KCNMB2: variants seen among roughly 807,000 people sequenced by gnomAD.
The protein encoded by KCNMB2 is calcium-activated potassium channel subunit beta-2.
Under a neutral mutation model 24.5 loss-of-function variants are expected in KCNMB2, and 9 were observed. That is an observed-to-expected ratio of 0.37 (90% CI 0.22 to 0.64). KCNMB2 has a LOEUF of 0.64. Among genes scored for constraint, KCNMB2 ranks in the 30% least tolerant of loss-of-function variants. KCNMB2 has a pLI of 0.63. For missense variants in KCNMB2, 226 were observed against 284.3 expected, an observed-to-expected ratio of 0.79 and a Z score of 1.47; for synonymous variants, 109 against 104.4, an observed-to-expected ratio of 1.04 and a Z score of -0.27.
At chr3:178,613,051 T>C (rs1718551225) in intron 1 of KCNMB2, among the ~76,000 whole-genome samples, 1 of 152,224 alleles carries the variant, frequency 6.6e-6, no homozygotes, top group South Asian at 2.1e-4. Flanking sequence ...CATGACTTTG[T>C]CCTTCCACTT....
At chr3:178,612,488 T>C (rs1718516301) in intron 1 of KCNMB2, among the ~76,000 whole-genome samples, 2 of 152,216 alleles carry the variant, frequency 1.3e-5, no homozygotes, top group Admixed American at 6.5e-5. Context: ...TATCATTATA[T>C]AGTGACCTTC....
chr3:178,779,399 G>T (rs557474202), intron 1 of KCNMB2, among the ~76,000 whole-genome samples: 1 of 152,170 alleles, frequency 6.6e-6, no homozygotes, highest in African/African-American at 2.4e-5. Flanking sequence ...ATGGATACAC[G>T]TAAACTAGAA....
intron 1 of KCNMB2, among the ~76,000 whole-genome samples, chr3:178,778,462 A>ACGCACGCACGTGCGCGCGCGCGCGCGCG (rs1437410515): frequency 0.012 from 735 of 63,556 alleles, 7 homozygotes; most frequent in Middle Eastern, 0.037. Context: ...TAAGACACAC[A>ACGCACGCACGTGCGCGCGCGCGCGCGCG]CACACACACA....
At chr3:178,820,688 C>G (rs1714589495) in intron 2 of KCNMB2, 1 of 152,516 alleles carries the variant, frequency 6.6e-6, no homozygotes, top group African/African-American at 2.4e-5. Context: ...AAAAGGAGCT[C>G]AAAATAAAAT....
intron 4 of KCNMB2, among the ~76,000 whole-genome samples, chr3:178,833,906 G>A (rs1297093112): frequency 6.6e-6 from 1 of 152,020 alleles, no homozygotes; most frequent in Non-Finnish European, 1.5e-5. Context: ...AGGGCTCAAG[G>A]GTCCCTGCCT....
At position 178,547,926 on chromosome 3, in the gene KCNMB2, G is replaced by A. The variant is rs375471095; in HGVS notation, c.-68+11215G>A. On this transcript the variant is annotated intron_variant, in intron 1 of 4. Transcript: ENST00000452583. ...TAAATCTATACTGTCTCATGTTTCT[G>A]TTCATTGTACCACAAATCTTCCAGC... Among the ~76,000 whole-genome samples, 56 of 152,282 alleles carry A rather than the reference G, an allele frequency of 3.7e-4. No homozygotes were observed. In the South Asian group the frequency reaches 0.01, roughly 28 times the overall value.
At chr3:178,671,056 A>T (rs1720881542) in intron 1 of KCNMB2, among the ~76,000 whole-genome samples, 1 of 152,094 alleles carries the variant, frequency 6.6e-6, no homozygotes, top group South Asian at 2.1e-4. Context: ...TCATTAAAAG[A>T]TTAACTCTTG....
intron 1 of KCNMB2, among the ~76,000 whole-genome samples, chr3:178,546,055 T>A (rs1325840489): frequency 6.6e-6 from 1 of 152,166 alleles, no homozygotes; most frequent in Non-Finnish European, 1.5e-5. Context: ...AGCACAGGAC[T>A]CATTTCTCTG....
At chr3:178,611,128 G>A (rs1220290770) in intron 1 of KCNMB2, among the ~76,000 whole-genome samples, 1 of 152,094 alleles carries the variant, frequency 6.6e-6, no homozygotes, top group Non-Finnish European at 1.5e-5. Flanking sequence ...TCTTTACTGG[G>A]AGACTTTTTA....
chr3:178,705,028 T>A (rs79199449), intron 1 of KCNMB2, among the ~76,000 whole-genome samples: 331 of 152,170 alleles, frequency 2.2e-3, no homozygotes, highest in African/African-American at 7.7e-3. Flanking sequence ...GCATAAACTC[T>A]CCTGTAAGCT....
chr3:178,704,001 C>T (rs902027433), intron 1 of KCNMB2, among the ~76,000 whole-genome samples: 17 of 151,986 alleles, frequency 1.1e-4, no homozygotes, highest in Non-Finnish European at 1.8e-4. Context: ...AAAATGCTTT[C>T]GTTTATAGAC....
chr3:178,629,711 A>G lies in KCNMB2; in HGVS notation c.-68+93000A>G, dbSNP rs147986415. Among the ~76,000 whole-genome samples the G allele has an allele frequency of 2.5e-3, 383 of 152,342 alleles. 4 individuals are homozygous for G. In the South Asian group the frequency reaches 0.033, roughly 13 times the overall value. On this transcript the variant is annotated intron_variant, in intron 1 of 4. Transcript: ENST00000452583. ...ACAAACTCCTTGACCTCAAATAAAT[A>G]CACAATAAACACAAATAATTCAATA...
chr3:178,679,545 T>C (rs941333949), intron 1 of KCNMB2, among the ~76,000 whole-genome samples: 12 of 152,188 alleles, frequency 7.9e-5, no homozygotes, highest in African/African-American at 2.9e-4. Context: ...ACATACATGA[T>C]TCTACACAAA....
intron 1 of KCNMB2, among the ~76,000 whole-genome samples, chr3:178,758,045 GATATATATA>G (rs1724234126): frequency 5.2e-4 from 1 of 1,922 alleles, no homozygotes; most frequent in African/African-American, 1.4e-3. Context: ...TATATATCTA[GATATATATA>G]TATATCTCCA....
chr3:178,552,617 T>C (rs1298102465), intron 1 of KCNMB2, among the ~76,000 whole-genome samples: 1 of 152,196 alleles, frequency 6.6e-6, no homozygotes, highest in Non-Finnish European at 1.5e-5. Flanking sequence ...TTTCCCAAAC[T>C]AGGTAGAATT....
At chr3:178,836,403 T>C (rs920227651) in intron 4 of KCNMB2, among the ~76,000 whole-genome samples, 7 of 152,124 alleles carry the variant, frequency 4.6e-5, no homozygotes, top group Non-Finnish European at 1.0e-4. Flanking sequence ...AGGGAAAGGA[T>C]GATCAGAAGA....
At chr3:178,590,121 G>GT (rs1560121237) in intron 1 of KCNMB2, among the ~76,000 whole-genome samples, 1 of 152,120 alleles carries the variant, frequency 6.6e-6, no homozygotes. Flanking sequence ...ATTTGGGAAG[G>GT]TTTAACCAGA....
At chr3:178,585,534 G>T (rs577261733) in intron 1 of KCNMB2, among the ~76,000 whole-genome samples, 1 of 152,150 alleles carries the variant, frequency 6.6e-6, no homozygotes, top group Admixed American at 6.5e-5. Context: ...GGGTTGGGAA[G>T]GGGAGAGAGA....
At chr3:178,756,398 G>T (rs933793768) in intron 1 of KCNMB2, among the ~76,000 whole-genome samples, 1 of 152,008 alleles carries the variant, frequency 6.6e-6, no homozygotes, top group Non-Finnish European at 1.5e-5. Context: ...TGAGCCTCTG[G>T]TCACAATGTT....
Sources: gnomAD v4.1 joint callset for allele counts (sites outside exome capture counted in the v4.1 genomes callset) on GRCh38, gnomAD v4.1.1 for gene constraint, MANE v1.5 for transcripts, NCBI Gene and HGNC (gene_info 2026-07-23, HGNC 2026-07-21) for gene names.